Variants in LRCH1 observed in about 807,000 individuals in gnomAD.
The protein encoded by LRCH1 is leucine rich repeats and calponin homology domain containing 1, also known as leucine-rich repeat and calponin homology domain-containing protein 1.
LRCH1 carries 23 observed loss-of-function variants against 94.9 expected under a neutral mutation model. The observed-to-expected ratio is 0.24, with a 90% CI of 0.17 to 0.34. The LOEUF (loss-of-function observed/expected upper bound fraction) is 0.34, where lower values mean the gene tolerates loss of function less well. Ranked by LOEUF, LRCH1 falls within the 10% of genes least tolerant of loss-of-function variation. The probability of loss-of-function intolerance (pLI) is 1.00; values close to 1 mark genes in which losing one functional copy is unlikely to be tolerated. For missense variants in LRCH1, 790 were observed against 945.9 expected (o/e 0.84, Z 2.16); for synonymous variants, 364 against 354.9 (o/e 1.03, Z -0.29).
chr13:46,592,787 A>T (rs1251466170), intron 1 of LRCH1, among the ~76,000 whole-genome samples: 1 of 152,132 alleles, frequency 6.6e-6, no homozygotes, highest in East Asian at 1.9e-4. Context: ...GCTTCTGGGC[A>T]AAACTCCTTA....
intron 1 of LRCH1, among the ~76,000 whole-genome samples, chr13:46,587,932 T>C (rs2050453238): frequency 1.3e-5 from 2 of 152,204 alleles, no homozygotes; most frequent in Non-Finnish European, 2.9e-5. Flanking sequence ...TTCCATTTCA[T>C]TGTGGTACCA....
At chr13:46,730,251 C>T (rs1367561398) in intron 18 of LRCH1, among the ~76,000 whole-genome samples, 1 of 152,016 alleles carries the variant, frequency 6.6e-6, no homozygotes, top group Non-Finnish European at 1.5e-5. Context: ...ACTTGATTTG[C>T]TCTTCTCTAT....
In LRCH1 at chr13:46,553,432, C is replaced by T. The variant is rs2050022620; in HGVS notation, c.36C>T (p.Val12=). The T allele has an allele frequency of 1.3e-6, 2 of 1,548,674 alleles. No individual in the cohort carries two copies. The highest frequency in any genetic ancestry group is 1.7e-6 in the Non-Finnish European group (2 of 1,146,400). The change falls in exon 1 of 20, where the codon GTC becomes GTT. Residue 12 remains valine (V), a synonymous_variant. Coordinates refer to ENST00000389797, the MANE Select transcript of LRCH1 (RefSeq NM_001164211.2). The part of the protein sequence containing the change: ...ATPGSEPQPF[V]PALSVATLHP... ...CGGGAAGCGAACCCCAACCTTTCGTCCCGGCCCTTTCGGTAGCTACTCTGC... is the reference window on the plus strand; with the variant it reads ...CGGGAAGCGAACCCCAACCTTTCGTTCCGGCCCTTTCGGTAGCTACTCTGC...
chr13:46,557,542 T>TTTTTTTTTTTTTTTTTTTTTTTTTTTTG (rs1594241467), intron 1 of LRCH1, among the ~76,000 whole-genome samples: 1 of 148,428 alleles, frequency 6.7e-6, no homozygotes, highest in Non-Finnish European at 1.5e-5. Flanking sequence ...ACCCCATCTC[T>TTTTTTTTTTTTTTTTTTTTTTTTTTTTG]ACGAAAAATA....
chr13:46,736,163 T>C (rs541713859), intron 19 of LRCH1, among the ~76,000 whole-genome samples: 4 of 148,842 alleles, frequency 2.7e-5, no homozygotes, highest in Non-Finnish European at 4.5e-5. Context: ...TGTACACATA[T>C]ATATCCTAAT....
intron 9 of LRCH1, 133 bp from the exon 10 acceptor site, chr13:46,699,203 G>A: frequency 1.5e-6 from 1 of 683,822 alleles, no homozygotes; most frequent in South Asian, 1.7e-5. Flanking sequence ...TCCCTCCATA[G>A]ATGGCTGTTT....
intron 1 of LRCH1, among the ~76,000 whole-genome samples, chr13:46,611,141 G>A (rs1156248675): frequency 6.6e-6 from 1 of 152,112 alleles, no homozygotes; most frequent in Non-Finnish European, 1.5e-5. Flanking sequence ...GTCCCCGGTT[G>A]GTTTTGCTTC....
chr13:46,558,298 A>C (rs1398196933), intron 1 of LRCH1, among the ~76,000 whole-genome samples: 1 of 152,128 alleles, frequency 6.6e-6, no homozygotes, highest in Non-Finnish European at 1.5e-5. Flanking sequence ...TCAGAGGAAA[A>C]GGTCATTTTC....
intron 1 of LRCH1, among the ~76,000 whole-genome samples, chr13:46,633,670 G>A (rs1394333662): frequency 3.3e-5 from 5 of 152,104 alleles, no homozygotes; most frequent in African/African-American, 1.2e-4. Context: ...TTTCCAGGGT[G>A]ACATCACGTG....
intron 11 of LRCH1, among the ~76,000 whole-genome samples, chr13:46,701,512 T>C (rs535870742): frequency 1.2e-3 from 184 of 152,324 alleles, no homozygotes; most frequent in Admixed American, 2.2e-3. Flanking sequence ...AAAGTGCATG[T>C]TTTATATTGC....
chr13:46,666,624 C>T (rs1349261990), intron 2 of LRCH1, among the ~76,000 whole-genome samples: 5 of 152,204 alleles, frequency 3.3e-5, no homozygotes, highest in South Asian at 2.1e-4. Context: ...AGGAGGTTTA[C>T]GTATGGCTCC....
chr13:46,586,368 C>G (rs763234740), intron 1 of LRCH1, among the ~76,000 whole-genome samples: 5 of 152,136 alleles, frequency 3.3e-5, no homozygotes, highest in Non-Finnish European at 5.9e-5. Flanking sequence ...CCAGAAACAG[C>G]CATAGCAAGG....
intron 2 of LRCH1, among the ~76,000 whole-genome samples, chr13:46,653,590 C>T (rs1451798330): frequency 6.6e-6 from 1 of 151,884 alleles, no homozygotes; most frequent in East Asian, 1.9e-4. Context: ...TTTGGGAGGC[C>T]GAGGCAGGCA....
chr13:46,713,658 A>G (rs1207696528), intron 15 of LRCH1, among the ~76,000 whole-genome samples: 2 of 152,234 alleles, frequency 1.3e-5, no homozygotes, highest in Non-Finnish European at 2.9e-5. Flanking sequence ...ATGGAGAGCC[A>G]AATTTTACAT....
At chr13:46,701,261 A>G in intron 11 of LRCH1, 54 bp downstream of exon 11, 2 of 1,253,552 alleles carry the variant, frequency 1.6e-6, no homozygotes, top group Admixed American at 1.8e-5. Context: ...ATACTAATGT[A>G]TGGAGTACAT....
chr13:46,699,946 C>T (rs9595514), intron 10 of LRCH1, among the ~76,000 whole-genome samples: 2,199 of 152,310 alleles, frequency 0.014, 40 homozygotes, highest in African/African-American at 0.05. Context: ...TCCCGCATTT[C>T]ACAGATGACG....
At chr13:46,713,251 G>A (rs1163386091) in intron 15 of LRCH1, among the ~76,000 whole-genome samples, 1 of 152,160 alleles carries the variant, frequency 6.6e-6, no homozygotes, top group Admixed American at 6.5e-5. Context: ...TTGAAGTTCT[G>A]TTGCTAATCT....
Position 46,646,803 on chromosome 13 carries a change from T to C in LRCH1, c.308-3398T>C, listed in dbSNP as rs577581988. Among the ~76,000 whole-genome samples, 659 of 152,266 alleles carry C rather than the reference T, an allele frequency of 4.3e-3. 5 individuals are homozygous for C. Among genetic ancestry groups the C allele is most frequent in the African/African-American group, 0.015 (617 of 41,554 alleles). On this transcript the variant is annotated intron_variant, in intron 1 of 19. Transcript: ENST00000389797. ...AACCAGTCCTCTATTTTATTTGCTTTCCATCTTTTGCTATTTGAAACCATA... is the reference window on the plus strand; with the variant it reads ...AACCAGTCCTCTATTTTATTTGCTTCCCATCTTTTGCTATTTGAAACCATA...
chr13:46,558,683 AG>A (rs1165497512), intron 1 of LRCH1, among the ~76,000 whole-genome samples: 1 of 149,870 alleles, frequency 6.7e-6, no homozygotes, highest in Non-Finnish European at 1.5e-5. Flanking sequence ...TAGTGAGCCG[AG>A]GTTGCGCCAC....
Sources: allele counts gnomAD v4.1 joint callset (sites outside exome capture counted in the v4.1 genomes callset), GRCh38; gene constraint gnomAD v4.1.1; transcripts MANE v1.5; gene names NCBI Gene and HGNC (gene_info 2026-07-23, HGNC 2026-07-21).